Variants in BIRC6 observed in about 807,000 individuals in gnomAD.
BIRC6 encodes the protein baculoviral IAP repeat containing 6.
In BIRC6, 98 loss-of-function variants were observed where a neutral mutation model predicts 503.3. That is an observed-to-expected ratio of 0.19 (90% CI 0.17 to 0.23). The LOEUF (loss-of-function observed/expected upper bound fraction) is 0.23. Ranked by LOEUF, BIRC6 falls within the 10% of genes least tolerant of loss-of-function variation. BIRC6 has a pLI of 1.00. For synonymous variants in BIRC6, 2,240 were observed against 2,078.7 expected (o/e 1.08, Z -2.11); for missense variants, 5,360 against 5,806.0 (o/e 0.92, Z 2.50).
chr2:32,389,003 CAAGG>C, intron 4 of BIRC6, 60 bp downstream of exon 4: 1 of 1,080,132 alleles, frequency 9.3e-7, no homozygotes, highest in African/African-American at 1.6e-5. Context: ...TTGCATTAAA[CAAGG>C]AATAACTAGA....
intron 38 of BIRC6, among the ~76,000 whole-genome samples, chr2:32,482,015 C>T (rs1053552690): frequency 2.6e-5 from 4 of 152,144 alleles, no homozygotes; most frequent in African/African-American, 9.7e-5. Context: ...ATGAGAACTA[C>T]ATTTAAGTAT....
chr2:32,488,742 T>C, intron 42 of BIRC6, 28 bp downstream of exon 42: 1 of 1,314,454 alleles, frequency 7.6e-7, no homozygotes, highest in Non-Finnish European at 1.0e-6. Context: ...AAAAACATTA[T>C]AGTCTAAATA....
chr2:32,407,388 C>T (rs373281529), intron 9 of BIRC6, among the ~76,000 whole-genome samples: 17 of 144,794 alleles, frequency 1.2e-4, no homozygotes, highest in South Asian at 6.4e-4. Context: ...GAGATTGCAG[C>T]GAGCTGAGAT....
chr2:32,373,749 A>G (rs1313937339), intron 1 of BIRC6, among the ~76,000 whole-genome samples: 1 of 152,192 alleles, frequency 6.6e-6, no homozygotes, highest in African/African-American at 2.4e-5. Context: ...TGTGTACCTC[A>G]AAGAATTGAA....
intron 32 of BIRC6, among the ~76,000 whole-genome samples, chr2:32,472,383 A>G (rs1373321256): frequency 6.6e-6 from 1 of 152,210 alleles, no homozygotes; most frequent in African/African-American, 2.4e-5. Flanking sequence ...AACAGTCTTG[A>G]AAAAAAGAAA....
At position 32,415,584 on chromosome 2, in the gene BIRC6, G is replaced by A. The variant is rs755131613; in HGVS notation, c.2293G>A (p.Ala765Thr). 6.2e-7 allele frequency: 1 copy of A among 1,613,700 alleles called. No homozygotes were observed. Among genetic ancestry groups the A allele is most frequent in the African/African-American group, 1.3e-5 (1 of 74,898 alleles). ...ESLSAINQVE[A>T]LNNLNKLNSA... ...CTTGAGTGCAATAAATCAAGTAGAG[G>A]CCTTGAATAATTTAAATAAATTAAA... Residue 765 changes from alanine (A) to threonine (T), a missense_variant, in exon 10 of 74, where the codon GCC becomes ACC. Transcript: ENST00000421745.
chr2:32,430,248 A>G (rs376460576), intron 11 of BIRC6, among the ~76,000 whole-genome samples: 18 of 152,316 alleles, frequency 1.2e-4, no homozygotes, highest in African/African-American at 4.3e-4. Context: ...AATGTTATAC[A>G]TTTCACTGAT....
rs372630615 is a variant in BIRC6 at position 32,597,754 on chromosome 2, C to T, written c.13616C>T (p.Thr4539Met). ...VAVMKKLQFD[T>M]FEMVSEDEDG... ...TTATTTTTTCTTCTCCTTTTAGATACGTTTGAAATGGTTTCTGAAGATGAA... is the reference window on the plus strand; with the variant it reads ...TTATTTTTTCTTCTCCTTTTAGATATGTTTGAAATGGTTTCTGAAGATGAA... Residue 4539 changes from threonine (T) to methionine (M), a missense_variant, in exon 69 of 74, where the codon ACG (threonine) becomes ATG (methionine). Physicochemically the swap from Thr to Met is moderately conservative, Grantham distance 81. Coordinates refer to ENST00000421745, the MANE Select transcript of BIRC6 (RefSeq NM_016252.4). 3.7e-6 allele frequency: 6 copies of T among 1,607,536 alleles called. No homozygotes were observed. Among genetic ancestry groups the T allele is most frequent in the African/African-American group, 1.3e-5 (1 of 74,866 alleles).
At chr2:32,448,437 T>C (rs1194976406) in intron 21 of BIRC6, among the ~76,000 whole-genome samples, 15 of 150,516 alleles carry the variant, frequency 1.0e-4, no homozygotes, top group African/African-American at 3.2e-4. Flanking sequence ...TCACTCGCGG[T>C]TAGGAGCTGG....
chr2:32,574,913 A>T, intron 65 of BIRC6: 1 of 494,686 alleles, frequency 2.0e-6, no homozygotes, highest in Non-Finnish European at 3.7e-6. Flanking sequence ...CCACCTGGCT[A>T]ATTTTTGTAT....
rs752864740 is a variant in BIRC6 at position 32,611,599 on chromosome 2, A to C, written c.14394+17A>C. 2 of 1,537,720 alleles carry C rather than the reference A, an allele frequency of 1.3e-6. No individual in the cohort carries two copies. Among genetic ancestry groups the C allele is most frequent in the African/African-American group, 1.4e-5 (1 of 73,160 alleles). ...GCTCTCAAGGTGAGTAAGCCTCTCT[A>C]ACAGGAGCCTTGTTGCTTTAAGAGT... On this transcript the variant is annotated intron_variant, in intron 73 of 73. Transcript: ENST00000421745.
intron 45 of BIRC6, among the ~76,000 whole-genome samples, 163 bp downstream of exon 45, chr2:32,493,830 C>T (rs937883569): frequency 3.3e-5 from 5 of 152,130 alleles, no homozygotes; most frequent in Non-Finnish European, 7.4e-5. Flanking sequence ...CTGATTGTTT[C>T]CATTTCATTT....
rs140684752 is a variant in BIRC6, at chr2:32,467,941, A to G, written c.5610A>G (p.Arg1870=). Residue 1870 remains arginine, a synonymous_variant, in exon 28 of 74, where the codon AGA becomes AGG. Coordinates refer to ENST00000421745, the MANE Select transcript of BIRC6 (RefSeq NM_016252.4). ...GACGTTACGGGAGTACAAATGCCAG[A>G]GCCAAAATCCCATTAGGATTTTACT... ...VIGRYGSTNA[R]AKIPLGFYYG... The G allele has an allele frequency of 4.1e-4, 663 of 1,613,612 alleles. 1 individual carries two copies. The highest frequency in any genetic ancestry group is 5.2e-4 in the Non-Finnish European group (617 of 1,179,782).
At chr2:32,374,525 T>C (rs1377404474) in intron 1 of BIRC6, among the ~76,000 whole-genome samples, 3 of 150,600 alleles carry the variant, frequency 2.0e-5, no homozygotes, top group Non-Finnish European at 4.4e-5. Context: ...CAGGCTGGAG[T>C]GCAGTGGCGT....
intron 23 of BIRC6, among the ~76,000 whole-genome samples, chr2:32,457,450 C>G (rs1162887977): frequency 3.3e-5 from 5 of 151,946 alleles, no homozygotes; most frequent in Admixed American, 3.3e-4. Context: ...TTTTACTGGT[C>G]AATTTTTCCA....
At chr2:32,413,276 C>A (rs2042083634) in intron 9 of BIRC6, among the ~76,000 whole-genome samples, 1 of 150,782 alleles carries the variant, frequency 6.6e-6, no homozygotes. Context: ...CGCCTTCTGG[C>A]TTCAAGCGAT....
intron 23 of BIRC6, among the ~76,000 whole-genome samples, chr2:32,457,597 G>T (rs1480326922): frequency 6.6e-6 from 1 of 151,970 alleles, no homozygotes; most frequent in East Asian, 1.9e-4. Context: ...GATTCCAGAA[G>T]TATATATGAA....
chr2:32,616,121 C>T (rs1354836328), intron 73 of BIRC6, among the ~76,000 whole-genome samples: 1 of 152,124 alleles, frequency 6.6e-6, no homozygotes. Flanking sequence ...CTTTTTAACT[C>T]AATTTTGTAA....
At chr2:32,573,837 C>A (rs1239979390) in intron 65 of BIRC6, among the ~76,000 whole-genome samples, 2 of 152,074 alleles carry the variant, frequency 1.3e-5, no homozygotes, top group African/African-American at 4.8e-5. Context: ...AAAATAACTT[C>A]ATCATTCAAT....
Sources: gnomAD v4.1 joint callset for allele counts (sites outside exome capture counted in the v4.1 genomes callset) on GRCh38, gnomAD v4.1.1 for gene constraint, MANE v1.5 for transcripts, NCBI Gene and HGNC (gene_info 2026-07-23, HGNC 2026-07-21) for gene names.